The following FBXO36 variants were observed in gnomAD, a reference collection of about 807,000 sequenced individuals.
FBXO36 encodes the protein F-box only protein 36.
In FBXO36, 18 loss-of-function variants were observed where a neutral mutation model predicts 17.0. That is an observed-to-expected ratio of 1.06 (90% CI 0.73 to 1.57). FBXO36 has a LOEUF of 1.57. Ranked by LOEUF, FBXO36 falls within the 40% of genes most tolerant of loss-of-function variation. FBXO36 has a pLI of 0.00. For synonymous variants in FBXO36, 83 were observed against 85.3 expected (o/e 0.97, Z 0.15); for missense variants, 229 against 221.9 (o/e 1.03, Z -0.20).
chr2:229,944,770 T>C (rs1040197156), intron 1 of FBXO36, among the ~76,000 whole-genome samples: 4 of 151,868 alleles, frequency 2.6e-5, no homozygotes, highest in African/African-American at 7.3e-5. Context: ...TTTTTTTGTA[T>C]TTTTAGTAGA....
chr2:229,996,973 A>G, intron 3 of FBXO36, 50 bp downstream of exon 3: 1 of 1,549,000 alleles, frequency 6.5e-7, no homozygotes, highest in Non-Finnish European at 8.7e-7. Flanking sequence ...TGTGCTTTCT[A>G]AAAAAAATTT....
chr2:229,932,472 G>A lies in FBXO36; in HGVS notation c.96+9863G>A, dbSNP rs1047337447. On this transcript the variant is annotated intron_variant, in intron 1 of 3. Transcript: ENST00000283946. ...GAGTTGGAGGTTGCAGTGAGCCAAG[G>A]TCACGCCATTGCACTCCAGCCTAGG... Among the ~76,000 whole-genome samples, 8 of 151,488 alleles carry A rather than the reference G, an allele frequency of 5.3e-5. No individual in the cohort carries two copies. In the East Asian group the frequency reaches 1.4e-3, roughly 26 times the overall value.
chr2:229,937,715 C>G (rs1031742451), intron 1 of FBXO36: 2 of 152,090 alleles, frequency 1.3e-5, no homozygotes, highest in Non-Finnish European at 2.9e-5. Flanking sequence ...CCTTTCCTGA[C>G]CTTCTTACCA....
chr2:229,987,046 C>T (rs2077271863), intron 2 of FBXO36, among the ~76,000 whole-genome samples: 1 of 151,110 alleles, frequency 6.6e-6, no homozygotes, highest in Non-Finnish European at 1.5e-5. Context: ...TGGTGAGACC[C>T]ATCTCTACTA....
At chr2:229,980,012 A>G (rs2077229782) in intron 2 of FBXO36, among the ~76,000 whole-genome samples, 1 of 152,064 alleles carries the variant, frequency 6.6e-6, no homozygotes, top group African/African-American at 2.4e-5. Context: ...AAACTTCCAT[A>G]AAACACATTT....
intron 2 of FBXO36, among the ~76,000 whole-genome samples, chr2:229,988,279 A>G (rs2106204006): frequency 6.6e-6 from 1 of 152,324 alleles, no homozygotes; most frequent in African/African-American, 2.4e-5. Flanking sequence ...AACATCTATT[A>G]TAAACGAAAA....
chr2:229,954,542 C>CTTTTTTT (rs1176794800), intron 1 of FBXO36, among the ~76,000 whole-genome samples: 2 of 78,778 alleles, frequency 2.5e-5, no homozygotes, highest in African/African-American at 4.4e-5. Context: ...TGCACCCGGC[C>CTTTTTTT]TTTTTTTTTT....
chr2:229,952,433 T>G (rs1288335417), intron 1 of FBXO36, among the ~76,000 whole-genome samples: 2 of 152,150 alleles, frequency 1.3e-5, no homozygotes, highest in Admixed American at 1.3e-4. Flanking sequence ...CAAGCAAACA[T>G]CTCAGATTGC....
chr2:229,936,261 A>G (rs1163887711), intron 1 of FBXO36, among the ~76,000 whole-genome samples: 2 of 152,132 alleles, frequency 1.3e-5, no homozygotes, highest in Non-Finnish European at 2.9e-5. Flanking sequence ...GTCTCTCCCC[A>G]TCATGCTTCT....
intron 1 of FBXO36, among the ~76,000 whole-genome samples, chr2:229,938,216 C>A (rs900166075): frequency 1.4e-5 from 1 of 73,258 alleles, no homozygotes; most frequent in Non-Finnish European, 2.4e-5. Flanking sequence ...ATACAACTTT[C>A]TTTTTTTTTT....
chr2:229,951,990 G>GA (rs1258420961), intron 1 of FBXO36, among the ~76,000 whole-genome samples: 2 of 151,452 alleles, frequency 1.3e-5, no homozygotes, highest in African/African-American at 4.9e-5. Flanking sequence ...ATAACTTGGT[G>GA]AAAAAAAAAT....
intron 1 of FBXO36, among the ~76,000 whole-genome samples, chr2:229,955,383 G>A (rs2077081749): frequency 6.6e-6 from 1 of 152,066 alleles, no homozygotes; most frequent in Admixed American, 6.6e-5. Flanking sequence ...GGGCATGCTG[G>A]CACTTGCCTG....
chr2:230,002,502 G>A (rs1396889314), intron 3 of FBXO36, among the ~76,000 whole-genome samples: 1 of 151,870 alleles, frequency 6.6e-6, no homozygotes, highest in Non-Finnish European at 1.5e-5. Context: ...TTCCACCTCA[G>A]CCTCCTGGGT....
At chr2:229,926,304 G>A (rs954181911) in intron 1 of FBXO36, among the ~76,000 whole-genome samples, 2 of 151,562 alleles carry the variant, frequency 1.3e-5, no homozygotes, top group African/African-American at 4.9e-5. Context: ...GGTGATGCAC[G>A]CCTGTAGTCC....
chr2:229,968,826 T>G (rs2077166672), intron 1 of FBXO36, among the ~76,000 whole-genome samples: 1 of 151,926 alleles, frequency 6.6e-6, no homozygotes. Flanking sequence ...CAGGCTGGAG[T>G]GCAGTGGTGC....
intron 3 of FBXO36, among the ~76,000 whole-genome samples, chr2:229,997,336 G>A (rs1214358365): frequency 6.6e-6 from 1 of 151,686 alleles, no homozygotes; most frequent in Non-Finnish European, 1.5e-5. Flanking sequence ...AGGGCACTTT[G>A]GGAGGCCGAG....
chr2:229,972,727 A>AT (rs2077187075), intron 1 of FBXO36, among the ~76,000 whole-genome samples: 1 of 151,864 alleles, frequency 6.6e-6, no homozygotes, highest in South Asian at 2.1e-4. Flanking sequence ...CTCAATTCTG[A>AT]TTTTTTTACT....
intron 2 of FBXO36, among the ~76,000 whole-genome samples, chr2:229,994,925 C>T (rs1361770116): frequency 6.6e-6 from 1 of 151,700 alleles, no homozygotes; most frequent in Admixed American, 6.6e-5. Context: ...ACCAGCCTGA[C>T]CAACATGGTG....
chr2:229,942,020 GAAA>G (rs61356327), intron 1 of FBXO36, among the ~76,000 whole-genome samples: 2 of 144,940 alleles, frequency 1.4e-5, no homozygotes, highest in African/African-American at 5.0e-5. Flanking sequence ...AGTCTAAAAA[GAAA>G]AAAAAAAAAT....
Sources: allele counts gnomAD v4.1 joint callset (sites outside exome capture counted in the v4.1 genomes callset), GRCh38; gene constraint gnomAD v4.1.1; transcripts MANE v1.5; gene names NCBI Gene and HGNC (gene_info 2026-07-23, HGNC 2026-07-21).